OXA1L: variants seen among roughly 807,000 people sequenced by gnomAD.
OXA1L encodes OXA1L mitochondrial inner membrane insertase.
A neutral mutation model predicts 52.2 loss-of-function variants in OXA1L; 42 were observed. The ratio of observed to expected loss-of-function variants is 0.80; its 90% CI spans 0.63 to 1.04. OXA1L has a LOEUF of 1.04. Among genes scored for constraint, OXA1L ranks in the 50% least tolerant of loss-of-function variants. The pLI is 0.00. For synonymous variants in OXA1L, 239 were observed against 201.9 expected, an observed-to-expected ratio of 1.18 and a Z score of -1.56; for missense variants, 572 against 555.0, an observed-to-expected ratio of 1.03 and a Z score of -0.31.
Position 22,771,504 on chromosome 14 carries a change from T to TAGG in OXA1L, c.1256_1257insGAG (p.Pro418_Ser419insArg). 1 of 1,611,600 alleles carries TAGG rather than the reference T, an allele frequency of 6.2e-7. No homozygotes were observed. The stretch of plus-strand genomic sequence containing the variant: ...GAAAGGATAACCCTCCCAATATCCC[T>TAGG]AGCAGCAGCAGCAAACCAAAGTCAA... On this transcript the variant is annotated inframe_insertion, in exon 10 of 10. Coordinates refer to ENST00000612549, the MANE Select transcript of OXA1L (RefSeq NM_005015.5).
chr14:22,771,290 G>A lies in OXA1L; in HGVS notation c.1125G>A (p.Thr375=), dbSNP rs145104436. The A allele has an allele frequency of 1.5e-4, 241 of 1,614,060 alleles. No homozygotes were observed. The highest frequency in any genetic ancestry group is 2.1e-4 in the South Asian group (19 of 91,084). The part of the protein sequence containing the change: ...FKKGWKNAEM[T]RQLREREQRM... ...CAGGCTGGAAAAATGCTGAAATGAC[G>A]CGTCAGCTGCGAGAGCGTGAACAAC... Residue 375 remains threonine (T), a synonymous_variant, in exon 9 of 10, where the codon ACG becomes ACA. Coordinates refer to ENST00000612549, the MANE Select transcript of OXA1L (RefSeq NM_005015.5).
chr14:22,772,957 T>A lies in OXA1L; in HGVS notation c.*1399T>A, dbSNP rs991572930. The A allele has an allele frequency of 1.7e-5, 4 of 238,004 alleles. No individual in the cohort carries two copies. The highest frequency in any genetic ancestry group is 9.2e-5 in the African/African-American group (4 of 43,434). The allele number at this position is 238,004 out of a possible 1,614,324, so 14.7% of individuals were successfully genotyped here. The stretch of plus-strand genomic sequence containing the variant: ...GTGATCCAAGATCATGCTGCTATAC[T>A]CCAGCCTTGGCTACAGAGCAAGATC... On this transcript the variant is annotated 3_prime_UTR_variant, in exon 10 of 10. Transcript: ENST00000612549.
rs1566436970 is a variant in OXA1L at position 22,772,523 on chromosome 14, T to TAAAAAAA, written c.*965_*966insAAAAAAA. The TAAAAAAA allele has an allele frequency of 1.6e-5, 1 of 63,036 alleles. No homozygotes were observed. The highest frequency in any genetic ancestry group is 8.7e-5 in the African/African-American group (1 of 11,496). 3.9% of individuals were successfully genotyped at this position (63,036 alleles called of 1,614,324 possible). A position where few individuals can be genotyped will look rare whatever the true frequency, so the allele number is the denominator to read the frequency against. On this transcript the variant is annotated 3_prime_UTR_variant, in exon 10 of 10. Transcript: ENST00000612549. ...AAAAAAAAAAAAAAAAAAAAAACAG[T>TAAAAAAA]TTAAACTTCCAACCCATGCATGTGT...
In OXA1L at chr14:22,767,296, A is replaced by G. The variant is rs1034616434; in HGVS notation, c.112A>G (p.Thr38Ala). 1 of 1,613,446 alleles carries G rather than the reference A, an allele frequency of 6.2e-7. No individual in the cohort carries two copies. Among genetic ancestry groups the G allele is most frequent in the East Asian group, 2.2e-5 (1 of 44,878 alleles). Residue 38 changes from threonine (T) to alanine (A), a missense_variant, in exon 2 of 10, where the codon ACA (threonine) becomes GCA (alanine). By Grantham distance (58) the Thr-to-Ala change is moderately conservative (BLOSUM62 0). Transcript: ENST00000612549. ...PSQWLGKPLT[T>A]RLLFPAAPCC... ...GCAATGGCTTGGGAAACCGCTGACC[A>G]CACGGCTCCTATTCCCAGCAGCCCC...
Position 22,772,181 on chromosome 14 carries a change from G to A in OXA1L, c.*623G>A, listed in dbSNP as rs1193597491. The A allele has an allele frequency of 6.6e-6, 1 of 152,024 alleles. No individual in the cohort carries two copies. Among genetic ancestry groups the A allele is most frequent in the Non-Finnish European group, 1.5e-5 (1 of 68,152 alleles). The allele number at this position is 152,024 out of a possible 1,614,324, so 9.4% of individuals were successfully genotyped here. ...TTGGAAAATATAATGTTTTAACCTG[G>A]CATTAAGGGTTTAAACTTCCACCCA... On this transcript the variant is annotated 3_prime_UTR_variant, in exon 10 of 10. Transcript: ENST00000612549.
Position 22,766,765 on chromosome 14 carries a change from G to A in OXA1L, c.63+1G>A, listed in dbSNP as rs773889671. ...GCGCTTGCTACAGTCCGGGCGTCGG[G>A]TAAGGATGCCCCGGGGCAGAGCACC... On this transcript the variant is annotated splice_donor_variant, in intron 1 of 9. Transcript: ENST00000612549. LOFTEE classifies it high-confidence loss of function. 3.1e-6 allele frequency: 5 copies of A among 1,614,068 alleles called. No homozygotes were observed. The highest frequency in any genetic ancestry group is 1.1e-5 in the South Asian group (1 of 91,090).
rs1225215912 is a variant in OXA1L, at chr14:22,766,734, G to A, written c.33G>A (p.Glu11=). 2 of 1,614,156 alleles carry A rather than the reference G, an allele frequency of 1.2e-6. No homozygotes were observed. Among genetic ancestry groups the A allele is most frequent in the Admixed American group, 1.7e-5 (1 of 60,018 alleles). The part of the protein sequence containing the change: MAMGLMCGRR[E]LLRLLQSGRR... ...TGGGACTAATGTGCGGACGCCGGGA[G>A]CTTCTGCGCTTGCTACAGTCCGGGC... The change falls in exon 1 of 10, where the codon GAG becomes GAA. Residue 11 remains glutamate (E), a synonymous_variant. Coordinates refer to ENST00000612549, the MANE Select transcript of OXA1L (RefSeq NM_005015.5).
intron 1 of OXA1L, 91 bp downstream of exon 1, chr14:22,766,855 G>A: frequency 1.0e-5 from 16 of 1,574,470 alleles, no homozygotes; most frequent in Middle Eastern, 3.5e-4. Flanking sequence ...ATCAGCAGAC[G>A]CTGACCTGCT....
intron 1 of OXA1L, 37 bp from the exon 2 acceptor site, chr14:22,767,211 C>CACG (rs2038414518): frequency 1.3e-6 from 2 of 1,581,162 alleles, no homozygotes; most frequent in Admixed American, 1.8e-5. Context: ...ACTTCTGCTC[C>CACG]CGGTAAAGGG....
intron 4 of OXA1L, 43 bp downstream of exon 4, chr14:22,769,977 C>T: frequency 6.2e-7 from 1 of 1,606,400 alleles, no homozygotes; most frequent in South Asian, 1.1e-5. Context: ...TCCACATTTG[C>T]ACTTTTCCTT....
Position 22,767,219 on chromosome 14 carries a change from G to A in OXA1L, c.64-29G>A, listed in dbSNP as rs185921006. 838 of 1,588,114 alleles carry A rather than the reference G, an allele frequency of 5.3e-4. 2 individuals carry two copies. The highest frequency in any genetic ancestry group is 7.4e-4 in the Admixed American group (41 of 55,358). On this transcript the variant is annotated intron_variant, in intron 1 of 9. Coordinates refer to ENST00000612549, the MANE Select transcript of OXA1L (RefSeq NM_005015.5). ...CGCGAGGACTTCTGCTCCCGGTAAA[G>A]GGGCTCCATCATCCTTTTACACGCT...
In OXA1L at chr14:22,771,972, C is replaced by T. The variant is rs2038471517; in HGVS notation, c.*414C>T. 5.7e-6 allele frequency: 1 copy of T among 175,570 alleles called. No homozygotes were observed. The highest frequency in any genetic ancestry group is 1.2e-5 in the Non-Finnish European group (1 of 82,042). 10.9% of individuals were successfully genotyped at this position (175,570 alleles called of 1,614,324 possible). On this transcript the variant is annotated 3_prime_UTR_variant, in exon 10 of 10. Coordinates refer to ENST00000612549, the MANE Select transcript of OXA1L (RefSeq NM_005015.5). Reference sequence around the variant, plus strand: ...AAATAGCCACACGTGGTGGTGCACACCTGTAGTCCCAGCTACTCGGGAGGC... The same window carrying T: ...AAATAGCCACACGTGGTGGTGCACATCTGTAGTCCCAGCTACTCGGGAGGC...
chr14:22,771,296 G>C lies in OXA1L; in HGVS notation c.1131G>C (p.Gln377His). The C allele has an allele frequency of 6.2e-7, 1 of 1,614,222 alleles. No homozygotes were observed. Among genetic ancestry groups the C allele is most frequent in the Non-Finnish European group, 8.5e-7 (1 of 1,180,014 alleles). The change falls in exon 9 of 10, where the codon CAG (glutamine) becomes CAC (histidine). Residue 377 changes from glutamine (Q) to histidine (H), a missense_variant. Gln to His is a conservative substitution (Grantham distance 24, BLOSUM62 0). Transcript: ENST00000612549. ...KGWKNAEMTR[Q>H]LREREQRMRN... ...GGAAAAATGCTGAAATGACGCGTCA[G>C]CTGCGAGAGCGTGAACAACGCATGC...
chr14:22,770,434 G>C (rs749954058), intron 5 of OXA1L, 27 bp from the exon 6 acceptor site: 10 of 1,607,892 alleles, frequency 6.2e-6, no homozygotes, highest in Non-Finnish European at 8.5e-6. Flanking sequence ...GGTAAAGCAT[G>C]CTGACACTGT....
chr14:22,767,058 G>A (rs1477107870), intron 1 of OXA1L, 190 bp from the exon 2 acceptor site: 4 of 1,536,286 alleles, frequency 2.6e-6, no homozygotes, highest in Non-Finnish European at 3.5e-6. Flanking sequence ...CCAGGTTCGA[G>A]CTTCGCTCTG....
Position 22,767,744 on chromosome 14 carries a change from G to A in OXA1L, c.226-214G>A, listed in dbSNP as rs2038421878. The A allele has an allele frequency of 5.8e-6, 3 of 515,758 alleles. No homozygotes were observed. In the South Asian group the frequency reaches 1.0e-4, roughly 17 times the overall value. 31.9% of individuals were successfully genotyped at this position (515,758 alleles called of 1,614,324 possible). On this transcript the variant is annotated intron_variant, in intron 2 of 9. Coordinates refer to ENST00000612549, the MANE Select transcript of OXA1L (RefSeq NM_005015.5). ...AAAAGAAATAACTTCCCAGCATGAAGGGAAGTCATGGATTCTTACTCAAAG... is the reference window on the plus strand; with the variant it reads ...AAAAGAAATAACTTCCCAGCATGAAAGGAAGTCATGGATTCTTACTCAAAG...
rs1338822583 is a variant in OXA1L, at chr14:22,772,977, A to G, written c.*1419A>G. 7.6e-6 allele frequency: 2 copies of G among 261,612 alleles called. No individual in the cohort carries two copies. The highest frequency in any genetic ancestry group is 1.0e-4 in the East Asian group (1 of 9,918). The allele number at this position is 261,612 out of a possible 1,614,324, so 16.2% of individuals were successfully genotyped here. A position where few individuals can be genotyped will look rare whatever the true frequency, so the allele number is the denominator to read the frequency against. On this transcript the variant is annotated 3_prime_UTR_variant, in exon 10 of 10. Coordinates refer to ENST00000612549, the MANE Select transcript of OXA1L (RefSeq NM_005015.5). ...TATACTCCAGCCTTGGCTACAGAGC[A>G]AGATCCTGTCTCAAAAAGGAAGTTC...
intron 3 of OXA1L, chr14:22,768,996 C>G (rs1035878279): frequency 1.3e-5 from 2 of 152,062 alleles, no homozygotes; most frequent in Admixed American, 1.3e-4. Flanking sequence ...AGTCTCAGCT[C>G]ACTGCAACCT....
rs762043637 is a variant in OXA1L, at chr14:22,771,306, C to T, written c.1141C>T (p.Arg381Cys). 146 of 1,614,044 alleles carry T rather than the reference C, an allele frequency of 9.0e-5. No homozygotes were observed. The highest frequency in any genetic ancestry group is 1.1e-4 in the Non-Finnish European group (125 of 1,180,018). Residue 381 changes from arginine to cysteine, a missense_variant, in exon 9 of 10, where the codon CGT (arginine) becomes TGT (cysteine). By Grantham distance (180) the Arg-to-Cys change is radical. This residue lies in a region of OXA1L where 244 missense variants were observed against 240.2 expected (regional missense o/e 1.02). Transcript: ENST00000612549. Reference protein sequence around the residue: ...NAEMTRQLREREQRMRNQLEL... With the variant: ...NAEMTRQLRECEQRMRNQLEL... ...TGAAATGACGCGTCAGCTGCGAGAG[C>T]GTGAACAACGCATGCGGAATCAGTT...
Sources: allele counts gnomAD v4.1 joint callset, GRCh38; gene constraint gnomAD v4.1.1; regional missense constraint gnomAD v4.1.1; transcripts MANE v1.5; gene names NCBI Gene and HGNC (gene_info 2026-07-23, HGNC 2026-07-21).